The following KCND3 variants were observed in gnomAD, a reference collection of about 807,000 sequenced individuals.
KCND3 encodes potassium voltage-gated channel subfamily D member 3, also known as A-type voltage-gated potassium channel KCND3.
A neutral mutation model predicts 51.1 loss-of-function variants in KCND3; 9 were observed. That is an observed-to-expected ratio of 0.18 (90% CI 0.11 to 0.31). KCND3 has a LOEUF of 0.31. Among genes scored for constraint, KCND3 ranks in the 10% least tolerant of loss-of-function variants. The probability of loss-of-function intolerance (pLI) is 1.00; values close to 1 mark genes in which losing one functional copy is unlikely to be tolerated. For missense variants in KCND3, 526 were observed against 903.8 expected (o/e 0.58, Z 5.36); for synonymous variants, 349 against 368.0 (o/e 0.95, Z 0.59).
In KCND3 at chr1:111,776,061, C is replaced by T. The variant is rs776047627; in HGVS notation, c.*16G>A. ...TTCATTCCCCACTACCCACTCTGGCCCTCTGTCCAGTGGTTTTACAAGGCG... is the reference window on the plus strand; with the variant it reads ...TTCATTCCCCACTACCCACTCTGGCTCTCTGTCCAGTGGTTTTACAAGGCG... On this transcript the variant is annotated 3_prime_UTR_variant, in exon 8 of 8. Transcript: ENST00000302127. 6 of 1,613,880 alleles carry T rather than the reference C, an allele frequency of 3.7e-6. No individual in the cohort carries two copies. Among genetic ancestry groups the T allele is most frequent in the Non-Finnish European group, 5.1e-6 (6 of 1,179,900 alleles).
chr1:111,803,749 C>T (rs538173603), intron 2 of KCND3, among the ~76,000 whole-genome samples: 1 of 152,212 alleles, frequency 6.6e-6, no homozygotes, highest in South Asian at 2.1e-4. Context: ...TGGGTGGGTG[C>T]ATGGGCTTTC....
chr1:111,780,148 A>G lies in KCND3; in HGVS notation c.1461+77T>C. ...GGACAGACTTTGACTTCTGGCCCAGAGTGAAGATGTGAGTACAGCCTTAGA... is the reference window on the plus strand; with the variant it reads ...GGACAGACTTTGACTTCTGGCCCAGGGTGAAGATGTGAGTACAGCCTTAGA... On this transcript the variant is annotated intron_variant, in intron 5 of 7. Coordinates refer to ENST00000302127, the MANE Select transcript of KCND3 (RefSeq NM_001378969.1). The surrounding 1 kb of genome is among the most constrained non-coding windows in gnomAD (Gnocchi z 4.2). 5 of 1,369,540 alleles carry G rather than the reference A, an allele frequency of 3.7e-6. No homozygotes were observed. Among genetic ancestry groups the G allele is most frequent in the Non-Finnish European group, 5.1e-6 (5 of 982,548 alleles). The allele number at this position is 1,369,540 out of a possible 1,614,324, so 84.8% of individuals were successfully genotyped here.
At chr1:111,883,519 G>A (rs557331145) in intron 2 of KCND3, among the ~76,000 whole-genome samples, 3 of 152,276 alleles carry the variant, frequency 2.0e-5, no homozygotes, top group South Asian at 2.1e-4. Context: ...GACTCGATAA[G>A]CATTTAATAT....
intron 2 of KCND3, among the ~76,000 whole-genome samples, chr1:111,976,803 A>T (rs1385409474): frequency 6.6e-6 from 1 of 152,232 alleles, no homozygotes; most frequent in East Asian, 1.9e-4. Flanking sequence ...AGAGTGCTCA[A>T]GTTCAAAGGA....
In KCND3 at chr1:111,813,614, C is replaced by T. The variant is rs566846226; in HGVS notation, c.1107-26508G>A. 9.8e-5 allele frequency among the ~76,000 whole-genome samples: 15 copies of T among 152,350 alleles called. No homozygotes were observed. The South Asian group carries it at 2.9e-3, about 29-fold the overall frequency. On this transcript the variant is annotated intron_variant, in intron 2 of 7. Transcript: ENST00000302127. ...CTAGCCACAGCCGGGCCAAGGGGTC[C>T]GTGCCCCACACACCTGTACCAGGTG... is the stretch of plus-strand genomic sequence containing the variant.
Position 111,775,819 on chromosome 1 carries a change from A to AGCCCCCCCCC in KCND3, c.*257_*258insGGGGGGGGGC. ...GCCTATATCCCCCGGCCTATCCCCG[A>AGCCCCCCCCC]CCCCCCCACCCTCCCTCCCTTCCTC... On this transcript the variant is annotated 3_prime_UTR_variant, in exon 8 of 8. Transcript: ENST00000302127. The AGCCCCCCCCC allele has an allele frequency of 2.0e-5, 2 of 97,706 alleles. No homozygotes were observed. Among genetic ancestry groups the AGCCCCCCCCC allele is most frequent in the Non-Finnish European group, 3.9e-5 (2 of 51,262 alleles). The allele number at this position is 97,706 out of a possible 1,614,324, so 6.1% of individuals were successfully genotyped here. A position where few individuals can be genotyped will look rare whatever the true frequency, so the allele number is the denominator to read the frequency against.
At chr1:111,938,623 T>C (rs573452727) in intron 2 of KCND3, among the ~76,000 whole-genome samples, 11 of 152,156 alleles carry the variant, frequency 7.2e-5, no homozygotes, top group Admixed American at 2.0e-4. Flanking sequence ...GGACATTGAA[T>C]GGAAACTTGA....
intron 2 of KCND3, among the ~76,000 whole-genome samples, chr1:111,897,534 G>C (rs1382436595): frequency 6.6e-6 from 1 of 152,240 alleles, no homozygotes; most frequent in Non-Finnish European, 1.5e-5. Context: ...CTGTGAACGT[G>C]CGTGGGGCAC....
At chr1:111,966,295 G>A (rs1395928686) in intron 2 of KCND3, among the ~76,000 whole-genome samples, 6 of 152,172 alleles carry the variant, frequency 3.9e-5, no homozygotes. Flanking sequence ...ATTTTGCAGG[G>A]AACTCATGTA....
At chr1:111,855,801 A>G (rs1668038736) in intron 2 of KCND3, among the ~76,000 whole-genome samples, 1 of 152,184 alleles carries the variant, frequency 6.6e-6, no homozygotes, top group South Asian at 2.1e-4. Context: ...TACAGAAACC[A>G]CGAGGGATGG....
intron 2 of KCND3, among the ~76,000 whole-genome samples, chr1:111,953,086 C>T (rs926739073): frequency 2.0e-5 from 3 of 151,912 alleles, no homozygotes; most frequent in South Asian, 2.1e-4. Context: ...AGAGGAGAAC[C>T]GACCTACTAA....
At chr1:111,870,963 C>G (rs1668804230) in intron 2 of KCND3, among the ~76,000 whole-genome samples, 1 of 152,182 alleles carries the variant, frequency 6.6e-6, no homozygotes, top group African/African-American at 2.4e-5. Context: ...AAGAGACATA[C>G]TTATCTGCAT....
Position 111,801,666 on chromosome 1 carries a change from A to G in KCND3, c.1107-14560T>C, listed in dbSNP as rs369869420. On this transcript the variant is annotated intron_variant, in intron 2 of 7. Transcript: ENST00000302127. ...GGCCACCAGGTGTCCCCCACTCTTCAGAGCACTCTGCTCTCCACTGCTCAT... is the reference window on the plus strand; with the variant it reads ...GGCCACCAGGTGTCCCCCACTCTTCGGAGCACTCTGCTCTCCACTGCTCAT... Among the ~76,000 whole-genome samples, 262 of 152,290 alleles carry G rather than the reference A, an allele frequency of 1.7e-3. 1 individual carries two copies. The highest frequency in any genetic ancestry group is 3.3e-3 in the Non-Finnish European group (225 of 68,028).
At chr1:111,855,367 C>T (rs1176546893) in intron 2 of KCND3, among the ~76,000 whole-genome samples, 3 of 152,196 alleles carry the variant, frequency 2.0e-5, no homozygotes, top group Non-Finnish European at 2.9e-5. Flanking sequence ...CCCTCATCTT[C>T]CAAGGTCAGG....
chr1:111,865,221 A>G (rs1315032330), intron 2 of KCND3, among the ~76,000 whole-genome samples: 1 of 152,248 alleles, frequency 6.6e-6, no homozygotes, highest in African/African-American at 2.4e-5. Flanking sequence ...TTGCTTTCAC[A>G]CATAGTCTTA....
intron 2 of KCND3, among the ~76,000 whole-genome samples, chr1:111,823,388 T>C (rs1168777534): frequency 6.6e-6 from 1 of 152,270 alleles, no homozygotes; most frequent in South Asian, 2.1e-4. Flanking sequence ...CCTACTCTGG[T>C]CCCTGACATA....
At chr1:111,857,649 G>T (rs763264984) in intron 2 of KCND3, among the ~76,000 whole-genome samples, 3 of 151,112 alleles carry the variant, frequency 2.0e-5, no homozygotes, top group Non-Finnish European at 2.9e-5. Context: ...TCCTGTTAGG[G>T]GTACCCAGAG....
intron 2 of KCND3, among the ~76,000 whole-genome samples, chr1:111,898,680 C>T (rs890240039): frequency 2.0e-5 from 3 of 152,208 alleles, no homozygotes; most frequent in African/African-American, 7.2e-5. Context: ...AAGCACAGGC[C>T]TTGCCCTCCT....
At position 111,780,154 on chromosome 1, in the gene KCND3, G is replaced by A; in HGVS notation, c.1461+71C>T. 1 of 1,398,296 alleles carries A rather than the reference G, an allele frequency of 7.2e-7. No homozygotes were observed. The highest frequency in any genetic ancestry group is 9.9e-7 in the Non-Finnish European group (1 of 1,008,624). 86.6% of individuals were successfully genotyped at this position (1,398,296 alleles called of 1,614,324 possible). A position where few individuals can be genotyped will look rare whatever the true frequency, so the allele number is the denominator to read the frequency against. Reference sequence around the variant, plus strand: ...ACTTTGACTTCTGGCCCAGAGTGAAGATGTGAGTACAGCCTTAGAAAAGGG... The same window carrying A: ...ACTTTGACTTCTGGCCCAGAGTGAAAATGTGAGTACAGCCTTAGAAAAGGG... On this transcript the variant is annotated intron_variant, in intron 5 of 7. Coordinates refer to ENST00000302127, the MANE Select transcript of KCND3 (RefSeq NM_001378969.1). This position sits in a 1 kb window ranked among gnomAD's most constrained non-coding sequence, Gnocchi z 4.2.
Sources: allele counts gnomAD v4.1 joint callset (sites outside exome capture counted in the v4.1 genomes callset), GRCh38; gene constraint gnomAD v4.1.1; non-coding constraint Gnocchi (gnomAD v3.1); transcripts MANE v1.5; gene names NCBI Gene and HGNC (gene_info 2026-07-23, HGNC 2026-07-21).